The following DAPL1 variants were observed in gnomAD, a reference collection of about 807,000 sequenced individuals.
DAPL1 encodes death-associated protein-like 1.
Under a neutral mutation model 12.9 loss-of-function variants are expected in DAPL1, and 17 were observed. That is an observed-to-expected ratio of 1.32 (90% confidence interval 0.90 to 1.98). The LOEUF is 1.98. Ranked by LOEUF, DAPL1 falls within the 30% of genes most tolerant of loss-of-function variation. DAPL1 has a pLI of 0.00. For missense variants in DAPL1, 157 were observed against 125.7 expected (o/e 1.25, Z -1.19); for synonymous variants, 51 against 42.0 (o/e 1.21, Z -0.82).
At chr2:158,806,979 C>A in intron 2 of DAPL1, 76 bp from the exon 3 acceptor site, 1 of 1,052,882 alleles carries the variant, frequency 9.5e-7, no homozygotes, top group African/African-American at 1.6e-5. Context: ...GGAGAGACAG[C>A]CCTCTATAAA....
chr2:158,802,692 G>T (rs1056546971), intron 1 of DAPL1, among the ~76,000 whole-genome samples: 4 of 152,176 alleles, frequency 2.6e-5, no homozygotes, highest in African/African-American at 9.6e-5. Flanking sequence ...AAAACAGTGT[G>T]TTTGTGCACT....
Position 158,815,778 on chromosome 2 carries a change from C to T in DAPL1, c.281C>T (p.Pro94Leu). Residue 94 changes from proline (P) to leucine (L), a missense_variant, in exon 4 of 4, where the codon CCA (proline) becomes CTA (leucine). By Grantham distance (98) the Pro-to-Leu change is moderately conservative (BLOSUM62 -3). Coordinates refer to ENST00000309950, the MANE Select transcript of DAPL1 (RefSeq NM_001017920.3). ...ACACCTGCTCTGGAAAAGGTTGTTC[C>T]ACTGAAAAGGATCTACATTATTCAG... Reference protein sequence around the residue: ...KPTPALEKVVPLKRIYIIQQP... With the variant: ...KPTPALEKVVLLKRIYIIQQP... 1 of 1,614,012 alleles carries T rather than the reference C, an allele frequency of 6.2e-7. No individual in the cohort carries two copies. Among genetic ancestry groups the T allele is most frequent in the Non-Finnish European group, 8.5e-7 (1 of 1,179,908 alleles).
rs1428597469 is a variant in DAPL1, at chr2:158,807,126, G to A, written c.207+11G>A. The A allele has an allele frequency of 6.2e-7, 1 of 1,602,892 alleles. No individual in the cohort carries two copies. The highest frequency in any genetic ancestry group is 1.1e-5 in the South Asian group (1 of 89,560). On this transcript the variant is annotated intron_variant, in intron 3 of 3. Transcript: ENST00000309950. ...GACGCACTGGAGAAGGTGAGCCGTG[G>A]GCAAATCACATAGCGCTCCAAGTCA...
At chr2:158,809,433 T>C (rs1225242699) in intron 3 of DAPL1, among the ~76,000 whole-genome samples, 1 of 152,086 alleles carries the variant, frequency 6.6e-6, no homozygotes, top group East Asian at 1.9e-4. Context: ...GCTCAGTGTT[T>C]AGTGGAGTAG....
chr2:158,805,901 T>G (rs2059198236), intron 2 of DAPL1, among the ~76,000 whole-genome samples: 1 of 148,476 alleles, frequency 6.7e-6, no homozygotes, highest in Non-Finnish European at 1.5e-5. Flanking sequence ...GCTTGAATCT[T>G]ATGGACTTTC....
chr2:158,802,375 G>A (rs530973471), intron 1 of DAPL1, among the ~76,000 whole-genome samples: 165 of 152,272 alleles, frequency 1.1e-3, no homozygotes, highest in Non-Finnish European at 1.8e-3. Flanking sequence ...ATCTTAGAAT[G>A]AGCGAGGCAC....
intron 1 of DAPL1, among the ~76,000 whole-genome samples, chr2:158,802,591 G>C (rs975824521): frequency 2.6e-5 from 4 of 152,150 alleles, no homozygotes; most frequent in African/African-American, 7.2e-5. Flanking sequence ...TACATCAGTA[G>C]AATAATAAAT....
At chr2:158,812,720 G>A (rs556497655) in intron 3 of DAPL1, among the ~76,000 whole-genome samples, 81 of 151,598 alleles carry the variant, frequency 5.3e-4, no homozygotes, top group African/African-American at 1.7e-3. Flanking sequence ...ACTTGAGCCC[G>A]GGAGTTCAAT....
At chr2:158,809,720 G>T (rs1470592946) in intron 3 of DAPL1, among the ~76,000 whole-genome samples, 1 of 152,136 alleles carries the variant, frequency 6.6e-6, no homozygotes, top group Non-Finnish European at 1.5e-5. Flanking sequence ...TCTGTTCCCA[G>T]GCCTGCATCC....
intron 1 of DAPL1, among the ~76,000 whole-genome samples, chr2:158,802,912 G>A (rs1288894029): frequency 6.6e-6 from 1 of 152,176 alleles, no homozygotes; most frequent in Non-Finnish European, 1.5e-5. Flanking sequence ...CACATGAAAT[G>A]TCCAACATTA....
intron 1 of DAPL1, among the ~76,000 whole-genome samples, chr2:158,798,885 T>A (rs1393283194): frequency 6.6e-6 from 1 of 152,160 alleles, no homozygotes. Flanking sequence ...GCACAAACCT[T>A]TGTGCCTTTC....
In DAPL1 at chr2:158,806,310, C is replaced by T. The variant is rs757379192; in HGVS notation, c.147-745C>T. ...AGATTTGGCCCTGATTGAAACTCTC[C>T]TACAAAATAACTTGGCCTGAGAGAA... On this transcript the variant is annotated intron_variant, in intron 2 of 3. Coordinates refer to ENST00000309950, the MANE Select transcript of DAPL1 (RefSeq NM_001017920.3). Among the ~76,000 whole-genome samples, 4 of 122,404 alleles carry T rather than the reference C, an allele frequency of 3.3e-5. 1 individual carries two copies. Among genetic ancestry groups the T allele is most frequent in the African/African-American group, 5.4e-5 (2 of 36,930 alleles). The allele number at this position is 122,404 out of a possible 152,430, so 80.3% of individuals were successfully genotyped here.
chr2:158,795,541 A>C (rs944485229), intron 1 of DAPL1, 111 bp downstream of exon 1: 1 of 1,005,558 alleles, frequency 9.9e-7, no homozygotes, highest in African/African-American at 1.6e-5. Flanking sequence ...ACCCAGTATG[A>C]CTTTAACTCC....
chr2:158,811,927 A>G (rs890940026), intron 3 of DAPL1, among the ~76,000 whole-genome samples: 1 of 152,198 alleles, frequency 6.6e-6, no homozygotes, highest in Non-Finnish European at 1.5e-5. Context: ...AACTTTTCCT[A>G]TCTCCATTGA....
intron 2 of DAPL1, 117 bp from the exon 3 acceptor site, chr2:158,806,938 G>A (rs1420944506): frequency 1.1e-5 from 8 of 728,018 alleles, no homozygotes; most frequent in Non-Finnish European, 1.9e-5. Context: ...TCTTCTAGAT[G>A]TTCCTAAGCA....
intron 2 of DAPL1, among the ~76,000 whole-genome samples, chr2:158,805,253 C>G (rs1270091183): frequency 6.6e-6 from 1 of 152,144 alleles, no homozygotes; most frequent in Non-Finnish European, 1.5e-5. Flanking sequence ...TTCCTAATTT[C>G]TGGGAAGACA....
intron 3 of DAPL1, among the ~76,000 whole-genome samples, chr2:158,809,135 C>T (rs139636563): frequency 6.2e-4 from 94 of 151,922 alleles, no homozygotes; most frequent in African/African-American, 1.8e-3. Flanking sequence ...CTGATGTGGG[C>T]GGATCACAAG....
chr2:158,797,854 A>T (rs2059143549), intron 1 of DAPL1, among the ~76,000 whole-genome samples: 1 of 152,142 alleles, frequency 6.6e-6, no homozygotes, highest in Non-Finnish European at 1.5e-5. Context: ...TCTATGGAGC[A>T]GTCAATGGTT....
chr2:158,811,499 G>C (rs377007962), intron 3 of DAPL1, among the ~76,000 whole-genome samples: 95 of 152,244 alleles, frequency 6.2e-4, no homozygotes, highest in African/African-American at 2.2e-3. Context: ...TAGAATTTCA[G>C]GGCTCTCTAG....
Sources: gnomAD v4.1 joint callset for allele counts (sites outside exome capture counted in the v4.1 genomes callset) on GRCh38, gnomAD v4.1.1 for gene constraint, MANE v1.5 for transcripts, NCBI Gene and HGNC (gene_info 2026-07-23, HGNC 2026-07-21) for gene names.